Variants in INMT observed in about 807,000 individuals in gnomAD.
The protein encoded by INMT is indolethylamine N-methyltransferase.
A neutral mutation model predicts 11.5 loss-of-function variants in INMT; 11 were observed. The observed-to-expected ratio is 0.95, with a 90% CI of 0.60 to 1.58. The LOEUF (loss-of-function observed/expected upper bound fraction) is 1.58, where lower values mean the gene tolerates loss of function less well. Among genes scored for constraint, INMT ranks in the 40% most tolerant of loss-of-function variants. The pLI is 0.00. For synonymous variants in INMT, 155 were observed against 142.9 expected (o/e 1.08, Z -0.60); for missense variants, 316 against 336.1 (o/e 0.94, Z 0.47).
In INMT at chr7:30,755,479, G is replaced by C. The variant is rs1356103973; in HGVS notation, c.420G>C (p.Lys140Asn). The change falls in exon 3 of 3, where the codon AAG (lysine) becomes AAC (asparagine). Residue 140 changes from lysine to asparagine, a missense_variant. Transcript: ENST00000013222. ...GGGCAGCGGTGAAGCGGGTGCTCAA[G>C]TGCGATGTCCACCTGGGCAACCCGC... ...KLRAAVKRVL[K>N]CDVHLGNPLA... The C allele has an allele frequency of 4.4e-6, 7 of 1,602,112 alleles. No homozygotes were observed. The highest frequency in any genetic ancestry group is 3.3e-4 in the Middle Eastern group (2 of 6,074).
At position 30,757,322 on chromosome 7, in the gene INMT, T is replaced by C. The variant is rs1293307673; in HGVS notation, c.*1471T>C. 4 of 200,904 alleles carry C rather than the reference T, an allele frequency of 2.0e-5. No homozygotes were observed. In the South Asian group the frequency reaches 2.3e-4, roughly 12 times the overall value. The allele number at this position is 200,904 out of a possible 1,614,324, so 12.4% of individuals were successfully genotyped here. A position where few individuals can be genotyped will look rare whatever the true frequency, so the allele number is the denominator to read the frequency against. On this transcript the variant is annotated 3_prime_UTR_variant, in exon 3 of 3. Coordinates refer to ENST00000013222, the MANE Select transcript of INMT (RefSeq NM_006774.5). ...TCTTGGGGTTCGGCTCAGCTCAACATGGCTTGACATGGTGGGCACACTGGC... is the reference window on the plus strand; with the variant it reads ...TCTTGGGGTTCGGCTCAGCTCAACACGGCTTGACATGGTGGGCACACTGGC...
At position 30,754,556 on chromosome 7, in the gene INMT, CATCT is replaced by C. The variant is rs1164635248; in HGVS notation, c.362+622_362+625del. ...ATCCACATACATCCGCCCAGCCATC[CATCT>C]ATCCATCCATCCACCCATCCATCCA... is the stretch of plus-strand genomic sequence containing the variant. On this transcript the variant is annotated intron_variant, in intron 2 of 2. Transcript: ENST00000013222. The surrounding 1 kb of genome is among the most constrained non-coding windows in gnomAD (Gnocchi z 4.9). Among the ~76,000 whole-genome samples, 2 of 151,370 alleles carry C rather than the reference CATCT, an allele frequency of 1.3e-5. No homozygotes were observed. The highest frequency in any genetic ancestry group is 2.4e-5 in the African/African-American group (1 of 41,162).
chr7:30,754,028 G>T lies in INMT; in HGVS notation c.362+90G>T. The T allele has an allele frequency of 7.7e-7, 1 of 1,292,288 alleles. No individual in the cohort carries two copies. The highest frequency in any genetic ancestry group is 1.1e-6 in the Non-Finnish European group (1 of 915,914). The allele number at this position is 1,292,288 out of a possible 1,614,324, so 80.1% of individuals were successfully genotyped here. A position where few individuals can be genotyped will look rare whatever the true frequency, so the allele number is the denominator to read the frequency against. ...CTCTTTGTTGTCTCTGACATTTTCA[G>T]GACAGTAGGACCTTCAGGTATAGGA... On this transcript the variant is annotated intron_variant, in intron 2 of 2. Transcript: ENST00000013222. This position sits in a 1 kb window ranked among gnomAD's most constrained non-coding sequence, Gnocchi z 4.9.
rs1374143778 is a variant in INMT at position 30,754,756 on chromosome 7, T to A, written c.363-666T>A. Among the ~76,000 whole-genome samples, 2 of 152,204 alleles carry A rather than the reference T, an allele frequency of 1.3e-5. No homozygotes were observed. The highest frequency in any genetic ancestry group is 2.4e-5 in the African/African-American group (1 of 41,454). ...CCTCTATTGTCTGTACCTGTGTGACTGACTATATAATGTATAATGACGTGA... is the reference window on the plus strand; with the variant it reads ...CCTCTATTGTCTGTACCTGTGTGACAGACTATATAATGTATAATGACGTGA... On this transcript the variant is annotated intron_variant, in intron 2 of 2. Transcript: ENST00000013222. The surrounding 1 kb of genome is among the most constrained non-coding windows in gnomAD (Gnocchi z 4.9).
rs148031270 is a variant in INMT at position 30,755,762 on chromosome 7, C to T, written c.703C>T (p.Leu235Phe). The T allele has an allele frequency of 4.2e-5, 68 of 1,614,096 alleles. No homozygotes were observed. The highest frequency in any genetic ancestry group is 5.7e-5 in the Non-Finnish European group (67 of 1,180,040). ...GGATGCTGGCTTTGACATTGAACAG[C>T]TCCTACACAGTCCCCAGAGCTACTC... The part of the protein sequence containing the change: ...VLDAGFDIEQ[L>F]LHSPQSYSVT... Residue 235 changes from leucine to phenylalanine, a missense_variant, in exon 3 of 3, where the codon CTC becomes TTC. Physicochemically the swap from Leu to Phe is conservative, Grantham distance 22 (BLOSUM62 0). Coordinates refer to ENST00000013222, the MANE Select transcript of INMT (RefSeq NM_006774.5).
chr7:30,753,945 G>A lies in INMT; in HGVS notation c.362+7G>A, dbSNP rs376980209. On this transcript the variant is annotated splice_region_variant and intron_variant, in intron 2 of 2. Transcript: ENST00000013222. ...GTGAGCTGGAAGGAAACAGGTAGGG[G>A]TGCAGAGGTTGGGGAGGGGGTTCCC... 25 of 1,612,662 alleles carry A rather than the reference G, an allele frequency of 1.6e-5. No homozygotes were observed. Among genetic ancestry groups the A allele is most frequent in the African/African-American group, 5.3e-5 (4 of 74,902 alleles).
rs995440228 is a variant in INMT at position 30,756,387 on chromosome 7, C to T, written c.*536C>T. 1 of 157,334 alleles carries T rather than the reference C, an allele frequency of 6.4e-6. No individual in the cohort carries two copies. The highest frequency in any genetic ancestry group is 2.6e-5 in the African/African-American group (1 of 38,708). The allele number at this position is 157,334 out of a possible 1,614,324, so 9.7% of individuals were successfully genotyped here. On this transcript the variant is annotated 3_prime_UTR_variant, in exon 3 of 3. Transcript: ENST00000013222. ...AGTAGCTGGGACTACAGGAGCTCGC[C>T]ACCACACCCAGCTAATTTTTTTTTT...
rs1341330430 is a variant in INMT, at chr7:30,755,841, C to G, written c.782C>G (p.Pro261Arg). The change falls in exon 3 of 3, where the codon CCT (proline) becomes CGT (arginine). Residue 261 changes from proline to arginine, a missense_variant. Coordinates refer to ENST00000013222, the MANE Select transcript of INMT (RefSeq NM_006774.5). ...TGCTTCATTGTGGCTCGCAAGAAGCCTGGGCCCTGAGCCAGGAGGGCCAGC... is the reference window on the plus strand; with the variant it reads ...TGCTTCATTGTGGCTCGCAAGAAGCGTGGGCCCTGAGCCAGGAGGGCCAGC... Reference protein sequence around the residue: ...GVCFIVARKKPGP With the variant: ...GVCFIVARKKRGP 1 of 1,607,172 alleles carries G rather than the reference C, an allele frequency of 6.2e-7. No individual in the cohort carries two copies. The highest frequency in any genetic ancestry group is 8.5e-7 in the Non-Finnish European group (1 of 1,175,702).
rs1786207422 is a variant in INMT at position 30,755,412 on chromosome 7, C to T, written c.363-10C>T. On this transcript the variant is annotated splice_polypyrimidine_tract_variant and intron_variant, in intron 2 of 2. Coordinates refer to ENST00000013222, the MANE Select transcript of INMT (RefSeq NM_006774.5). ...AAAGGGCCTCCCCGACTCCCTCTCT[C>T]TCTCTGCAGCGGCCGATGGGAGGAG... is the stretch of plus-strand genomic sequence containing the variant. 6.3e-7 allele frequency: 1 copy of T among 1,576,132 alleles called. No homozygotes were observed. The highest frequency in any genetic ancestry group is 1.8e-5 in the Admixed American group (1 of 56,926).
At position 30,754,693 on chromosome 7, in the gene INMT, A is replaced by T. The variant is rs1246248353; in HGVS notation, c.363-729A>T. On this transcript the variant is annotated intron_variant, in intron 2 of 2. Transcript: ENST00000013222. This position sits in a 1 kb window ranked among gnomAD's most constrained non-coding sequence, Gnocchi z 4.9. ...CATCCATCCATGTCCATCCACATTC[A>T]TCCACCCACCCACCCATCCATCCAT... Among the ~76,000 whole-genome samples the T allele has an allele frequency of 2.0e-5, 3 of 151,898 alleles. No individual in the cohort carries two copies. Among genetic ancestry groups the T allele is most frequent in the Admixed American group, 6.6e-5 (1 of 15,240 alleles).
chr7:30,757,387 G>A lies in INMT; in HGVS notation c.*1536G>A. 1 of 244,248 alleles carries A rather than the reference G, an allele frequency of 4.1e-6. No individual in the cohort carries two copies. The highest frequency in any genetic ancestry group is 8.0e-6 in the Non-Finnish European group (1 of 124,400). The allele number at this position is 244,248 out of a possible 1,614,324, so 15.1% of individuals were successfully genotyped here. A position where few individuals can be genotyped will look rare whatever the true frequency, so the allele number is the denominator to read the frequency against. ...AGAGAGAGCCAAAGCTGTCCGTTTT[G>A]CAGATGGACAGGAAGGAGCCAGGAC... On this transcript the variant is annotated 3_prime_UTR_variant, in exon 3 of 3. Coordinates refer to ENST00000013222, the MANE Select transcript of INMT (RefSeq NM_006774.5).
Position 30,754,482 on chromosome 7 carries a change from C to CGT in INMT, c.362+544_362+545insGT, listed in dbSNP as rs1562832797. ...CCACCCACCCATCCATTCATCCATC[C>CGT]ATATCCATCCATCCATCCATCCATC... On this transcript the variant is annotated intron_variant, in intron 2 of 2. Coordinates refer to ENST00000013222, the MANE Select transcript of INMT (RefSeq NM_006774.5). This position sits in a 1 kb window ranked among gnomAD's most constrained non-coding sequence, Gnocchi z 4.9. 5.6e-4 allele frequency among the ~76,000 whole-genome samples: 84 copies of CGT among 150,924 alleles called. No homozygotes were observed. Among genetic ancestry groups the CGT allele is most frequent in the African/African-American group, 1.7e-3 (71 of 41,076 alleles).
At chr7:30,752,674 T>TTGC in intron 1 of INMT, among the ~76,000 whole-genome samples, 1 of 152,186 alleles carries the variant, frequency 6.6e-6, no homozygotes, top group Middle Eastern at 3.4e-3. Context: ...AACAGCAGGG[T>TTGC]TGCAGTGGGA....
chr7:30,756,410 T>TTTTTTTATTTTA lies in INMT; in HGVS notation c.*565_*566insATTTTATTTTTT. 1 of 149,470 alleles carries TTTTTTTATTTTA rather than the reference T, an allele frequency of 6.7e-6. No individual in the cohort carries two copies. Among genetic ancestry groups the TTTTTTTATTTTA allele is most frequent in the African/African-American group, 2.7e-5 (1 of 37,296 alleles). The allele number at this position is 149,470 out of a possible 1,614,324, so 9.3% of individuals were successfully genotyped here. On this transcript the variant is annotated 3_prime_UTR_variant, in exon 3 of 3. Transcript: ENST00000013222. The stretch of plus-strand genomic sequence containing the variant: ...GCCACCACACCCAGCTAATTTTTTT[T>TTTTTTTATTTTA]TTTTTTTTTTTATTTGAGACGGAGT...
At chr7:30,755,311 A>G in intron 2 of INMT, 111 bp from the exon 3 acceptor site, 1 of 969,482 alleles carries the variant, frequency 1.0e-6, no homozygotes, top group East Asian at 2.6e-5. Context: ...GGACTCAGGG[A>G]CAGCAATCCT....
At position 30,756,586 on chromosome 7, in the gene INMT, T is replaced by A. The variant is rs1361753889; in HGVS notation, c.*735T>A. The A allele has an allele frequency of 4.6e-5, 7 of 152,122 alleles. No homozygotes were observed. Among genetic ancestry groups the A allele is most frequent in the African/African-American group, 1.7e-4 (7 of 41,376 alleles). The allele number at this position is 152,122 out of a possible 1,614,324, so 9.4% of individuals were successfully genotyped here. ...CCATGCCCGGCTAATTTTTGTATTT[T>A]TAGTAGAGATGGGGTTTCACCGTGT... On this transcript the variant is annotated 3_prime_UTR_variant, in exon 3 of 3. Coordinates refer to ENST00000013222, the MANE Select transcript of INMT (RefSeq NM_006774.5).
chr7:30,755,723 G>A lies in INMT; in HGVS notation c.664G>A (p.Glu222Lys), dbSNP rs1786224639. Reference sequence around the variant, plus strand: ...CGTGGCCCTGGAGAAAGAGGAGGTGGAGCAGGCTGTCCTGGATGCTGGCTT... The same window carrying A: ...CGTGGCCCTGGAGAAAGAGGAGGTGAAGCAGGCTGTCCTGGATGCTGGCTT... Reference protein sequence around the residue: ...SCVALEKEEVEQAVLDAGFDI... With the variant: ...SCVALEKEEVKQAVLDAGFDI... The change falls in exon 3 of 3, where the codon GAG becomes AAG. Residue 222 changes from glutamate to lysine, a missense_variant. Coordinates refer to ENST00000013222, the MANE Select transcript of INMT (RefSeq NM_006774.5). 3 of 1,614,234 alleles carry A rather than the reference G, an allele frequency of 1.9e-6. No homozygotes were observed. Among genetic ancestry groups the A allele is most frequent in the East Asian group, 2.2e-5 (1 of 44,884 alleles).
At position 30,755,828 on chromosome 7, in the gene INMT, G is replaced by T. The variant is rs745627361; in HGVS notation, c.769G>T (p.Ala257Ser). ...CAACAATGGGGTCTGCTTCATTGTG[G>T]CTCGCAAGAAGCCTGGGCCCTGAGC... ...AANNGVCFIV[A>S]RKKPGP The change falls in exon 3 of 3, where the codon GCT (alanine) becomes TCT (serine). Residue 257 changes from alanine (A) to serine (S), a missense_variant. Physicochemically the swap from Ala to Ser is moderately conservative, Grantham distance 99 (BLOSUM62 1). Transcript: ENST00000013222. 2 of 1,610,430 alleles carry T rather than the reference G, an allele frequency of 1.2e-6. No individual in the cohort carries two copies. The highest frequency in any genetic ancestry group is 1.7e-6 in the Non-Finnish European group (2 of 1,177,418).
At position 30,754,173 on chromosome 7, in the gene INMT, C is replaced by T. The variant is rs1786164939; in HGVS notation, c.362+235C>T. On this transcript the variant is annotated intron_variant, in intron 2 of 2. Transcript: ENST00000013222. This position sits in a 1 kb window ranked among gnomAD's most constrained non-coding sequence, Gnocchi z 4.9. ...GAGGTGTGATATAGTCAAGTATGAA[C>T]ACTGAAAACCAGATGATTTTCATCT... Among the ~76,000 whole-genome samples the T allele has an allele frequency of 6.6e-6, 1 of 152,164 alleles. No individual in the cohort carries two copies. Among genetic ancestry groups the T allele is most frequent in the Non-Finnish European group, 1.5e-5 (1 of 68,030 alleles).
Sources: allele counts gnomAD v4.1 joint callset (sites outside exome capture counted in the v4.1 genomes callset), GRCh38; gene constraint gnomAD v4.1.1; non-coding constraint Gnocchi (gnomAD v3.1); transcripts MANE v1.5; gene names NCBI Gene and HGNC (gene_info 2026-07-23, HGNC 2026-07-21).